CSF2RA: variants seen among roughly 807,000 people sequenced by gnomAD.
The protein encoded by CSF2RA is granulocyte-macrophage colony-stimulating factor receptor subunit alpha.
In CSF2RA, 42 loss-of-function variants were observed where a neutral mutation model predicts 51.6. The ratio of observed to expected loss-of-function variants is 0.81; its 90% CI spans 0.64 to 1.05. CSF2RA has a LOEUF of 1.05. Among genes scored for constraint, CSF2RA ranks in the 50% least tolerant of loss-of-function variants. The pLI is 0.00. For synonymous variants in CSF2RA, 222 were observed against 193.0 expected, an observed-to-expected ratio of 1.15 and a Z score of -1.24; for missense variants, 530 against 501.1, an observed-to-expected ratio of 1.06 and a Z score of -0.55.
At chrX:1,308,037 C>G (rs1483202814) in intron 12 of CSF2RA, among the ~76,000 whole-genome samples, 1 of 149,230 alleles carries the variant, frequency 6.7e-6, no homozygotes, top group Non-Finnish European at 1.5e-5. Flanking sequence ...GAGGCCCACC[C>G]CTCTTCAGAC....
intron 6 of CSF2RA, among the ~76,000 whole-genome samples, chrX:1,289,294 A>C (rs1332055313): frequency 6.6e-6 from 1 of 151,882 alleles, no homozygotes; most frequent in Non-Finnish European, 1.5e-5. Flanking sequence ...CACCTGTCTA[A>C]TTTTTGTATT....
rs1489844784 is a variant in CSF2RA, at chrX:1,269,688, G to A, written c.-91+809G>A. ...AACGCAGAGCTGAAAGGGGGAGGGAGTGTGATGGTGTTACTAGTTACTAGA... is the reference window on the plus strand; with the variant it reads ...AACGCAGAGCTGAAAGGGGGAGGGAATGTGATGGTGTTACTAGTTACTAGA... On this transcript the variant is annotated intron_variant, in intron 1 of 12. Transcript: ENST00000381529. Among the ~76,000 whole-genome samples, 8 of 151,732 alleles carry A rather than the reference G, an allele frequency of 5.3e-5. No individual in the cohort carries two copies. In the East Asian group the frequency reaches 1.6e-3, roughly 29 times the overall value.
At chrX:1,316,870 G>A in the CSF2RA span, among the ~76,000 whole-genome samples, 1 of 152,202 alleles carries the variant, frequency 6.6e-6, no homozygotes, top group South Asian at 2.1e-4. Context: ...CAACACGCTT[G>A]CCCCCCTAAC....
chrX:1,287,755 G>T (rs1307541181), intron 4 of CSF2RA, among the ~76,000 whole-genome samples: 1 of 123,926 alleles, frequency 8.1e-6, no homozygotes, highest in Non-Finnish European at 1.7e-5. Flanking sequence ...TTTTTTTGGG[G>T]GGATGGAGTC....
Position 1,290,510 on chromosome X carries a change from G to C in CSF2RA, c.646+1G>C, listed in dbSNP as rs2091301118. ...TCACTTTTGGACACAAAGAAAATAG[G>C]TGAGAATAACACATATGATTTTCCT... On this transcript the variant is annotated splice_donor_variant, in intron 7 of 12. Coordinates refer to ENST00000381529, the MANE Select transcript of CSF2RA (RefSeq NM_172245.4). LOFTEE classifies it high-confidence loss of function. 6.2e-7 allele frequency: 1 copy of C among 1,613,500 alleles called. No homozygotes were observed. Among genetic ancestry groups the C allele is most frequent in the East Asian group, 2.2e-5 (1 of 44,870 alleles).
intron 10 of CSF2RA, 22 bp from the exon 11 acceptor site, chrX:1,303,901 G>C: frequency 6.3e-7 from 1 of 1,585,018 alleles, no homozygotes; most frequent in Non-Finnish European, 8.7e-7. Flanking sequence ...CACCGCAGAC[G>C]CAAACCTGTG....
chrX:1,313,632 A>G (rs2084279997), downstream of CSF2RA, among the ~76,000 whole-genome samples: 3 of 150,350 alleles, frequency 2.0e-5, no homozygotes, highest in Admixed American at 2.0e-4. Flanking sequence ...GAATCGCTTG[A>G]ACCCAGGAGG....
the CSF2RA span, among the ~76,000 whole-genome samples, chrX:1,317,246 C>CTTTTTTTTTTTTTTTTTT: frequency 8.6e-5 from 5 of 57,828 alleles, no homozygotes; most frequent in South Asian, 9.1e-4. Context: ...CCACGCTCAG[C>CTTTTTTTTTTTTTTTTTT]TTTTTTTTTT....
intron 3 of CSF2RA, among the ~76,000 whole-genome samples, chrX:1,283,719 C>A (rs1421134678): frequency 6.6e-6 from 1 of 151,924 alleles, no homozygotes; most frequent in East Asian, 1.9e-4. Context: ...AGGCGCCTGC[C>A]ACCAGGCCCA....
At position 1,290,327 on chromosome X, in the gene CSF2RA, A is replaced by G; in HGVS notation, c.474-10A>G. ...CCTGATTGCTCTCTGAGCACTTTCT[A>G]ATCTTTCAGGAGAAGGAGGGAGATC... is the stretch of plus-strand genomic sequence containing the variant. On this transcript the variant is annotated splice_polypyrimidine_tract_variant and intron_variant, in intron 6 of 12. Coordinates refer to ENST00000381529, the MANE Select transcript of CSF2RA (RefSeq NM_172245.4). The G allele has an allele frequency of 1.9e-6, 3 of 1,611,596 alleles. No individual in the cohort carries two copies. Among genetic ancestry groups the G allele is most frequent in the South Asian group, 2.2e-5 (2 of 91,010 alleles).
At chrX:1,280,667 T>TTCC (rs1202323924) in intron 2 of CSF2RA, among the ~76,000 whole-genome samples, 1 of 138,880 alleles carries the variant, frequency 7.2e-6, no homozygotes, top group Non-Finnish European at 1.6e-5. Context: ...CTTCCTCCTC[T>TTCC]TCCTCCTCCT....
chrX:1,286,677 G>C (rs1317775602), intron 4 of CSF2RA, among the ~76,000 whole-genome samples: 1 of 152,160 alleles, frequency 6.6e-6, no homozygotes, highest in Non-Finnish European at 1.5e-5. Flanking sequence ...TAATCTCACG[G>C]GAACCGGGAA....
At chrX:1,314,906 C>CCCCACGGCACCTGCCCAAT (rs1569515104), downstream of CSF2RA, among the ~76,000 whole-genome samples, 6 of 74,022 alleles carry the variant, frequency 8.1e-5, no homozygotes, top group African/African-American at 3.1e-4. Flanking sequence ...ACCTGCTCAA[C>CCCCACGGCACCTGCCCAAT]CCCACTTCAC....
In CSF2RA at chrX:1,309,615, G is replaced by A. The variant is rs199505369; in HGVS notation, c.*136G>A. The A allele has an allele frequency of 2.2e-4, 354 of 1,608,876 alleles. 1 individual carries two copies. The highest frequency in any genetic ancestry group is 2.5e-4 in the East Asian group (11 of 44,806). ...AAACATGACATTTGGGGCCAGGCGC[G>A]GTGGCTCACGCCTGTAATCCCAGCA... On this transcript the variant is annotated 3_prime_UTR_variant, in exon 13 of 13. Coordinates refer to ENST00000381529, the MANE Select transcript of CSF2RA (RefSeq NM_172245.4).
chrX:1,284,671 T>A (rs1603425635), intron 3 of CSF2RA, among the ~76,000 whole-genome samples: 2 of 143,284 alleles, frequency 1.4e-5, no homozygotes, highest in African/African-American at 2.6e-5. Flanking sequence ...TTTTTTTTTT[T>A]TTTTTTTTTT....
At chrX:1,320,957 A>G in the CSF2RA span, among the ~76,000 whole-genome samples, 1 of 151,844 alleles carries the variant, frequency 6.6e-6, no homozygotes, top group South Asian at 2.1e-4. Context: ...CTCGTGCCTC[A>G]GCCTCCCAAG....
intron 4 of CSF2RA, among the ~76,000 whole-genome samples, chrX:1,288,287 G>C (rs2090999217): frequency 1.4e-5 from 2 of 145,824 alleles, no homozygotes; most frequent in African/African-American, 4.9e-5. Flanking sequence ...TTTGAGACCA[G>C]CCTGGCCAAC....
intron 12 of CSF2RA, among the ~76,000 whole-genome samples, chrX:1,307,091 C>T (rs1391914544): frequency 5.9e-5 from 9 of 152,026 alleles, no homozygotes; most frequent in Non-Finnish European, 1.0e-4. Flanking sequence ...GCGCTCCTCT[C>T]CCACCCACCT....
At chrX:1,295,318 G>T in intron 8 of CSF2RA, 109 bp from the exon 9 acceptor site, 5 of 1,396,994 alleles carry the variant, frequency 3.6e-6, no homozygotes, top group South Asian at 1.2e-5. Flanking sequence ...ACTCCGCAGG[G>T]ACTCCTTCCC....
Sources: allele counts gnomAD v4.1 joint callset (sites outside exome capture counted in the v4.1 genomes callset), GRCh38; gene constraint gnomAD v4.1.1; transcripts MANE v1.5; gene names NCBI Gene and HGNC (gene_info 2026-07-23, HGNC 2026-07-21).